The following ATXN7L1 variants were observed in gnomAD, a reference collection of about 807,000 sequenced individuals.
ATXN7L1 encodes the protein ataxin-7-like protein 1.
A neutral mutation model predicts 70.8 loss-of-function variants in ATXN7L1; 15 were observed. That is an observed-to-expected ratio of 0.21 (90% CI 0.14 to 0.33). The LOEUF is 0.33. ATXN7L1 is among the 10% of genes least tolerant of loss of function. The pLI, the probability that ATXN7L1 is intolerant of heterozygous loss-of-function variation, is 1.00. For synonymous variants in ATXN7L1, 440 were observed against 445.1 expected (o/e 0.99, Z 0.14); for missense variants, 975 against 1,097.1 (o/e 0.89, Z 1.57).
chr7:105,700,831 A>C (rs1300548778), intron 3 of ATXN7L1, among the ~76,000 whole-genome samples: 2 of 152,054 alleles, frequency 1.3e-5, no homozygotes, highest in East Asian at 3.9e-4. Context: ...ACAGGCGCAC[A>C]CTACCGCGCC....
At chr7:105,727,744 GTGTATA>G (rs1341535189) in intron 3 of ATXN7L1, among the ~76,000 whole-genome samples, 1 of 31,732 alleles carries the variant, frequency 3.2e-5, no homozygotes, top group African/African-American at 2.3e-4. Flanking sequence ...GTGTGTATGT[GTGTATA>G]TATATATATA....
intron 2 of ATXN7L1, among the ~76,000 whole-genome samples, chr7:105,861,343 CA>C (rs1478120969): frequency 1.3e-5 from 2 of 151,778 alleles, no homozygotes; most frequent in Non-Finnish European, 2.9e-5. Flanking sequence ...AGGGAAGATA[CA>C]GACAGGAAGA....
chr7:105,638,329 T>A, intron 7 of ATXN7L1, 24 bp downstream of exon 7: 1 of 1,539,022 alleles, frequency 6.5e-7, no homozygotes, highest in Non-Finnish European at 8.8e-7. Context: ...CATTCAGGGC[T>A]TCTATCGTCA....
intron 3 of ATXN7L1, among the ~76,000 whole-genome samples, chr7:105,721,605 C>T (rs191818164): frequency 2.6e-5 from 4 of 152,340 alleles, no homozygotes; most frequent in East Asian, 3.9e-4. Flanking sequence ...GGGGACAGTA[C>T]GAGGCTTGCA....
At chr7:105,830,668 A>G (rs1037816975) in intron 2 of ATXN7L1, among the ~76,000 whole-genome samples, 7 of 152,250 alleles carry the variant, frequency 4.6e-5, no homozygotes, top group Non-Finnish European at 1.0e-4. Context: ...CTCTTAACCC[A>G]TAAATCAACA....
chr7:105,675,363 C>T (rs1804470986), intron 3 of ATXN7L1, among the ~76,000 whole-genome samples: 1 of 152,144 alleles, frequency 6.6e-6, no homozygotes, highest in African/African-American at 2.4e-5. Flanking sequence ...TGGTTCACTC[C>T]TGTAATCCCA....
intron 2 of ATXN7L1, among the ~76,000 whole-genome samples, chr7:105,839,152 T>C (rs183573184): frequency 3.9e-5 from 6 of 152,250 alleles, no homozygotes; most frequent in Admixed American, 1.3e-4. Flanking sequence ...GGTTTTTCCT[T>C]TTACAAAGGC....
At chr7:105,642,626 T>C (rs1426142853) in intron 5 of ATXN7L1, among the ~76,000 whole-genome samples, 1 of 152,248 alleles carries the variant, frequency 6.6e-6, no homozygotes, top group East Asian at 1.9e-4. Flanking sequence ...CGCTAAGCAC[T>C]GAACTGAGTG....
intron 4 of ATXN7L1, among the ~76,000 whole-genome samples, chr7:105,663,949 T>C (rs1175113420): frequency 6.6e-6 from 1 of 152,070 alleles, no homozygotes; most frequent in East Asian, 1.9e-4. Context: ...TTTATATTTT[T>C]AGTAGAGATG....
intron 3 of ATXN7L1, among the ~76,000 whole-genome samples, chr7:105,692,135 G>A (rs1470637436): frequency 6.6e-6 from 1 of 152,194 alleles, no homozygotes; most frequent in Non-Finnish European, 1.5e-5. Flanking sequence ...TTGGTGGGGT[G>A]GGTGGGTAGT....
Position 105,761,834 on chromosome 7 carries a change from T to C in ATXN7L1, c.355+26770A>G, listed in dbSNP as rs1381052631. On this transcript the variant is annotated intron_variant, in intron 3 of 11. Coordinates refer to ENST00000419735, the MANE Select transcript of ATXN7L1 (RefSeq NM_020725.2). ...TAGAATCTCATTTTATAGCTCTTAA[T>C]ACATGGACCCAATTTATCCACATCA... 2.6e-5 allele frequency among the ~76,000 whole-genome samples: 4 copies of C among 152,220 alleles called. No individual in the cohort carries two copies. In the South Asian group the frequency reaches 8.3e-4, roughly 32 times the overall value.
intron 2 of ATXN7L1, among the ~76,000 whole-genome samples, chr7:105,790,654 CATCTATCTACT>C (rs987864161): frequency 1.9e-5 from 2 of 104,890 alleles, no homozygotes; most frequent in African/African-American, 3.8e-5. Context: ...ATCTATCTAT[CATCTATCTACT>C]ATCTATCTAC....
intron 2 of ATXN7L1, among the ~76,000 whole-genome samples, chr7:105,816,465 G>A (rs1809208986): frequency 6.6e-6 from 1 of 152,192 alleles, no homozygotes; most frequent in Non-Finnish European, 1.5e-5. Flanking sequence ...AGGAGAAAGA[G>A]GAAGTATTAC....
At chr7:105,866,306 G>A (rs897341013) in intron 2 of ATXN7L1, among the ~76,000 whole-genome samples, 10 of 152,158 alleles carry the variant, frequency 6.6e-5, no homozygotes, top group Non-Finnish European at 1.3e-4. Context: ...GTGACCTGGT[G>A]CCACTTCGTC....
At chr7:105,766,571 C>T (rs1207719355) in intron 3 of ATXN7L1, among the ~76,000 whole-genome samples, 1 of 152,198 alleles carries the variant, frequency 6.6e-6, no homozygotes, top group East Asian at 1.9e-4. Context: ...GAAAGCATTT[C>T]ATGCATATAA....
intron 3 of ATXN7L1, among the ~76,000 whole-genome samples, chr7:105,781,912 T>C (rs1169727192): frequency 1.3e-5 from 2 of 152,142 alleles, no homozygotes; most frequent in Non-Finnish European, 2.9e-5. Context: ...CAATCTCAGC[T>C]CACTGCACCC....
chr7:105,695,419 G>T (rs568440977), intron 3 of ATXN7L1, among the ~76,000 whole-genome samples: 9 of 152,176 alleles, frequency 5.9e-5, no homozygotes, highest in East Asian at 5.8e-4. Context: ...TCCACAGTGT[G>T]GGGGGAGCTT....
At chr7:105,618,656 C>T (rs1794285061) in intron 9 of ATXN7L1, among the ~76,000 whole-genome samples, 1 of 152,122 alleles carries the variant, frequency 6.6e-6, no homozygotes, top group East Asian at 1.9e-4. Context: ...CTCTACTGGA[C>T]CTCAGTGGGC....
intron 2 of ATXN7L1, among the ~76,000 whole-genome samples, chr7:105,845,991 G>A (rs1330027700): frequency 6.6e-6 from 1 of 152,008 alleles, no homozygotes; most frequent in African/African-American, 2.4e-5. Context: ...ATTAGACAAT[G>A]GTTTCTTAGA....
Sources: gnomAD v4.1 joint callset for allele counts (sites outside exome capture counted in the v4.1 genomes callset) on GRCh38, gnomAD v4.1.1 for gene constraint, MANE v1.5 for transcripts, NCBI Gene and HGNC (gene_info 2026-07-23, HGNC 2026-07-21) for gene names.